The following RCOR1 variants were observed in gnomAD, a reference collection of about 807,000 sequenced individuals.
RCOR1 encodes the protein REST corepressor 1.
Under a neutral mutation model 64.0 loss-of-function variants are expected in RCOR1, and 12 were observed. The observed-to-expected ratio is 0.19, with a 90% CI of 0.12 to 0.30. The LOEUF (loss-of-function observed/expected upper bound fraction) is 0.30. Among genes scored for constraint, RCOR1 ranks in the 10% least tolerant of loss-of-function variants. The pLI, the probability that RCOR1 is intolerant of heterozygous loss-of-function variation, is 1.00. For synonymous variants in RCOR1, 279 were observed against 227.2 expected, an observed-to-expected ratio of 1.23 and a Z score of -2.05; for missense variants, 502 against 621.2, an observed-to-expected ratio of 0.81 and a Z score of 2.04.
intron 2 of RCOR1, among the ~76,000 whole-genome samples, chr14:102,628,080 A>C (rs1189604390): frequency 1.3e-5 from 2 of 152,036 alleles, no homozygotes; most frequent in African/African-American, 2.4e-5. Flanking sequence ...TTCCAGTTCA[A>C]GTCCGAAGGC....
intron 2 of RCOR1, among the ~76,000 whole-genome samples, chr14:102,656,571 A>G (rs1894728112): frequency 6.6e-6 from 1 of 151,656 alleles, no homozygotes; most frequent in Admixed American, 6.6e-5. Context: ...GGGTTCAAGC[A>G]ATTCTCCTGT....
rs142293254 is a variant in RCOR1 at position 102,681,139 on chromosome 14, A to G, written c.362-756A>G. Among the ~76,000 whole-genome samples the G allele has an allele frequency of 2.2e-3, 337 of 152,296 alleles. 1 individual carries two copies. Among genetic ancestry groups the G allele is most frequent in the African/African-American group, 7.6e-3 (314 of 41,554 alleles). On this transcript the variant is annotated intron_variant, in intron 2 of 11. Coordinates refer to ENST00000262241, the MANE Select transcript of RCOR1 (RefSeq NM_015156.4). ...TTGTTTATAGTAGGTTGTATGTTAT[A>G]TTTAGTTGCATTTTTCCCCCTAGAG...
At chr14:102,676,219 C>G (rs372982158) in intron 2 of RCOR1, among the ~76,000 whole-genome samples, 3,313 of 150,260 alleles carry the variant, frequency 0.022, 99 homozygotes, top group African/African-American at 0.073. Context: ...CCCAATGAGC[C>G]GCTGGGCACA....
chr14:102,712,190 A>T (rs1293170575), intron 7 of RCOR1, among the ~76,000 whole-genome samples: 3 of 150,982 alleles, frequency 2.0e-5, no homozygotes. Context: ...ATTTTTTTTT[A>T]TTTTGTTTTT....
At chr14:102,696,557 C>G (rs902805623) in intron 3 of RCOR1, among the ~76,000 whole-genome samples, 1 of 152,140 alleles carries the variant, frequency 6.6e-6, no homozygotes, top group Non-Finnish European at 1.5e-5. Flanking sequence ...TCTTGAGCAG[C>G]GTGGACTTTG....
chr14:102,713,501 C>G (rs1326547306), intron 7 of RCOR1, among the ~76,000 whole-genome samples: 1 of 151,822 alleles, frequency 6.6e-6, no homozygotes, highest in Non-Finnish European at 1.5e-5. Context: ...CCAGGGTGGT[C>G]TCAATCTCCT....
chr14:102,617,433 C>T (rs897989584), intron 2 of RCOR1, among the ~76,000 whole-genome samples: 2 of 152,074 alleles, frequency 1.3e-5, no homozygotes, highest in African/African-American at 4.8e-5. Context: ...GGACTTCTTA[C>T]ACTTCTGTTA....
chr14:102,667,500 CAATAAT>C (rs765477130), intron 2 of RCOR1, among the ~76,000 whole-genome samples: 12 of 151,356 alleles, frequency 7.9e-5, no homozygotes, highest in African/African-American at 1.9e-4. Flanking sequence ...GACTCTGTCT[CAATAAT>C]AATAATAATA....
intron 2 of RCOR1, among the ~76,000 whole-genome samples, chr14:102,625,482 G>T (rs1284895539): frequency 6.6e-6 from 1 of 150,890 alleles, no homozygotes; most frequent in Admixed American, 6.6e-5. Context: ...TAATCTCCCC[G>T]CTTCGGCCTC....
At chr14:102,692,325 CTG>C (rs1339060509) in intron 3 of RCOR1, among the ~76,000 whole-genome samples, 1 of 152,054 alleles carries the variant, frequency 6.6e-6, no homozygotes, top group African/African-American at 2.4e-5. Flanking sequence ...GTTTAATTTA[CTG>C]TCCTGTGGTT....
chr14:102,699,093 G>T (rs1895703775), intron 3 of RCOR1, among the ~76,000 whole-genome samples: 1 of 152,132 alleles, frequency 6.6e-6, no homozygotes, highest in Non-Finnish European at 1.5e-5. Context: ...CACCATGTTG[G>T]CCAGGATGAT....
At chr14:102,633,696 C>A (rs539044037) in intron 2 of RCOR1, among the ~76,000 whole-genome samples, 1 of 152,114 alleles carries the variant, frequency 6.6e-6, no homozygotes, top group Non-Finnish European at 1.5e-5. Flanking sequence ...TTCGCCAACA[C>A]GCCCGGCTAA....
At chr14:102,689,204 A>G (rs1366258455) in intron 3 of RCOR1, among the ~76,000 whole-genome samples, 2 of 152,208 alleles carry the variant, frequency 1.3e-5, no homozygotes, top group African/African-American at 4.8e-5. Context: ...GACTTAGGAA[A>G]AACAAAGTTT....
At chr14:102,621,246 A>G (rs937913896) in intron 2 of RCOR1, among the ~76,000 whole-genome samples, 16 of 151,792 alleles carry the variant, frequency 1.1e-4, no homozygotes, top group Admixed American at 2.0e-4. Context: ...TGCTGGGATT[A>G]CAGGCACAAG....
At chr14:102,600,123 G>GGCTGGGGT (rs1893359425) in intron 2 of RCOR1, among the ~76,000 whole-genome samples, 1 of 152,000 alleles carries the variant, frequency 6.6e-6, no homozygotes, top group South Asian at 2.1e-4. Context: ...CTGTCACCCA[G>GGCTGGGGT]GCTGGGGTGC....
chr14:102,634,381 C>T (rs1423109327), intron 2 of RCOR1, among the ~76,000 whole-genome samples: 1 of 151,804 alleles, frequency 6.6e-6, no homozygotes, highest in Non-Finnish European at 1.5e-5. Flanking sequence ...TCTCAAAAAC[C>T]AACCAACCAA....
intron 4 of RCOR1, among the ~76,000 whole-genome samples, 173 bp downstream of exon 4, chr14:102,701,503 A>G (rs1895758276): frequency 6.6e-6 from 1 of 152,184 alleles, no homozygotes; most frequent in African/African-American, 2.4e-5. Context: ...CAAGATGAAT[A>G]TTAGAGGACC....
intron 8 of RCOR1, among the ~76,000 whole-genome samples, chr14:102,719,839 C>T (rs555019589): frequency 3.9e-5 from 6 of 152,106 alleles, no homozygotes; most frequent in African/African-American, 9.7e-5. Flanking sequence ...CACTGGAATG[C>T]GAAGAGGACA....
At chr14:102,686,195 G>GGC (rs1370912850) in intron 3 of RCOR1, among the ~76,000 whole-genome samples, 1 of 151,976 alleles carries the variant, frequency 6.6e-6, no homozygotes, top group Admixed American at 6.6e-5. Context: ...TGAACTCCTG[G>GGC]GCTCAAGCTG....
Sources: gnomAD v4.1 joint callset for allele counts (sites outside exome capture counted in the v4.1 genomes callset) on GRCh38, gnomAD v4.1.1 for gene constraint, MANE v1.5 for transcripts, NCBI Gene and HGNC (gene_info 2026-07-23, HGNC 2026-07-21) for gene names.